The following LRRC7 variants were observed in gnomAD, a reference collection of about 807,000 sequenced individuals.
LRRC7 encodes leucine rich repeat containing 7, also known as leucine-rich repeat-containing protein 7.
Under a neutral mutation model 175.7 loss-of-function variants are expected in LRRC7, and 23 were observed. That is an observed-to-expected ratio of 0.13 (90% CI 0.09 to 0.19). The LOEUF (loss-of-function observed/expected upper bound fraction) is 0.19. Ranked by LOEUF, LRRC7 falls within the 10% of genes least tolerant of loss-of-function variation. The pLI, the probability that LRRC7 is intolerant of heterozygous loss-of-function variation, is 1.00. For missense variants in LRRC7, 1,354 were observed against 1,904.7 expected, an observed-to-expected ratio of 0.71 and a Z score of 5.38; for synonymous variants, 685 against 680.9, an observed-to-expected ratio of 1.01 and a Z score of -0.09.
chr1:70,035,050 G>A (rs1007024150), intron 18 of LRRC7, among the ~76,000 whole-genome samples: 8 of 152,026 alleles, frequency 5.3e-5, no homozygotes, highest in African/African-American at 1.9e-4. Flanking sequence ...CAATATTTTT[G>A]TCCTCAAGTA....
chr1:69,816,334 A>C (rs1474179603), intron 4 of LRRC7, among the ~76,000 whole-genome samples: 1 of 152,138 alleles, frequency 6.6e-6, no homozygotes, highest in African/African-American at 2.4e-5. Context: ...TGCTATCATG[A>C]CCTAATTATC....
chr1:69,579,451 CA>C (rs1646102606), intron 1 of LRRC7, among the ~76,000 whole-genome samples: 2 of 152,044 alleles, frequency 1.3e-5, no homozygotes, highest in African/African-American at 4.8e-5. Flanking sequence ...TAGGATACTT[CA>C]ATATATGGAC....
At chr1:69,868,815 G>A (rs1263057070) in intron 7 of LRRC7, among the ~76,000 whole-genome samples, 1 of 151,816 alleles carries the variant, frequency 6.6e-6, no homozygotes, top group Non-Finnish European at 1.5e-5. Context: ...TCTTCTGAAG[G>A]CGCTCTCCTT....
chr1:70,138,911 A>G lies in LRRC7; in HGVS notation c.*17024A>G, dbSNP rs576004316. 1 of 152,358 alleles carries G rather than the reference A, an allele frequency of 6.6e-6. No homozygotes were observed. The highest frequency in any genetic ancestry group is 6.5e-5 in the Admixed American group (1 of 15,302). The allele number at this position is 152,358 out of a possible 1,614,324, so 9.4% of individuals were successfully genotyped here. ...GACCATATTAGAAATGAAAAGCAGCAGTCTCTATCATATGTTAAATTCAAA... is the reference window on the plus strand; with the variant it reads ...GACCATATTAGAAATGAAAAGCAGCGGTCTCTATCATATGTTAAATTCAAA... On this transcript the variant is annotated 3_prime_UTR_variant, in exon 27 of 27. Transcript: ENST00000651989.
In LRRC7 at chr1:69,770,022, T is replaced by C. The variant is rs12088569; in HGVS notation, c.303+9629T>C. Among the ~76,000 whole-genome samples the C allele has an allele frequency of 9.1e-3, 1,390 of 152,284 alleles. 20 individuals are homozygous for C. The highest frequency in any genetic ancestry group is 0.03 in the African/African-American group (1,262 of 41,556). On this transcript the variant is annotated intron_variant, in intron 3 of 26. Coordinates refer to ENST00000651989, the MANE Select transcript of LRRC7 (RefSeq NM_001370785.2). ...AAAAGGACAGGAACCAAGAGAGTTCTAGACTGCTGCTCAGAATTCACAGAA... is the reference window on the plus strand; with the variant it reads ...AAAAGGACAGGAACCAAGAGAGTTCCAGACTGCTGCTCAGAATTCACAGAA...
chr1:69,755,546 G>A (rs1670323433), intron 2 of LRRC7, among the ~76,000 whole-genome samples: 1 of 151,046 alleles, frequency 6.6e-6, no homozygotes, highest in Non-Finnish European at 1.5e-5. Context: ...GCATATATAT[G>A]TGTGTACATA....
intron 12 of LRRC7, 70 bp downstream of exon 12, chr1:70,011,996 T>G: frequency 3.6e-6 from 4 of 1,106,848 alleles, no homozygotes; most frequent in East Asian, 5.0e-5. Context: ...TCTTAACAGG[T>G]AGAATAGCAA....
At chr1:69,621,580 C>T (rs75214303) in intron 1 of LRRC7, among the ~76,000 whole-genome samples, 98 of 152,226 alleles carry the variant, frequency 6.4e-4, no homozygotes, top group African/African-American at 2.1e-3. Context: ...TAATCACATG[C>T]GATCTCTTTA....
chr1:69,737,273 C>T (rs1036349605), intron 2 of LRRC7, among the ~76,000 whole-genome samples: 1 of 151,998 alleles, frequency 6.6e-6, no homozygotes, highest in Non-Finnish European at 1.5e-5. Context: ...GGGTTTTTCC[C>T]ATGCTGTTCT....
chr1:69,581,245 C>T (rs1426960659), intron 1 of LRRC7, among the ~76,000 whole-genome samples: 1 of 152,150 alleles, frequency 6.6e-6, no homozygotes, highest in East Asian at 1.9e-4. Flanking sequence ...GCTATGTTTA[C>T]ATAGCTTCTA....
chr1:69,626,541 T>C (rs1407167377), intron 1 of LRRC7, among the ~76,000 whole-genome samples: 1 of 152,138 alleles, frequency 6.6e-6, no homozygotes, highest in East Asian at 1.9e-4. Flanking sequence ...ACATTTCTTA[T>C]AATACTTTAT....
At chr1:69,783,499 G>A (rs962613102) in intron 3 of LRRC7, among the ~76,000 whole-genome samples, 2 of 152,108 alleles carry the variant, frequency 1.3e-5, no homozygotes, top group African/African-American at 4.8e-5. Flanking sequence ...GCTCACAACT[G>A]TAATCCCAGC....
At chr1:69,628,920 A>T (rs1652033075) in intron 1 of LRRC7, among the ~76,000 whole-genome samples, 1 of 152,164 alleles carries the variant, frequency 6.6e-6, no homozygotes, top group Non-Finnish European at 1.5e-5. Flanking sequence ...ATATATGGGC[A>T]GGAAAATGAA....
At chr1:69,995,089 G>A (rs1654805376) in intron 11 of LRRC7, among the ~76,000 whole-genome samples, 3 of 152,074 alleles carry the variant, frequency 2.0e-5, no homozygotes, top group African/African-American at 7.2e-5. Flanking sequence ...ATTTTTAGAA[G>A]CTAAGGAGAA....
chr1:69,969,730 A>G (rs1570851151), intron 8 of LRRC7, among the ~76,000 whole-genome samples: 1 of 152,190 alleles, frequency 6.6e-6, no homozygotes, highest in East Asian at 1.9e-4. Context: ...ATCAAGACAG[A>G]AAGTCAACAA....
At chr1:69,695,269 T>C (rs1165515672) in intron 2 of LRRC7, among the ~76,000 whole-genome samples, 1 of 152,190 alleles carries the variant, frequency 6.6e-6, no homozygotes, top group Non-Finnish European at 1.5e-5. Flanking sequence ...ATGTGGAAGT[T>C]TGAACTTATG....
intron 7 of LRRC7, among the ~76,000 whole-genome samples, chr1:69,928,070 A>T (rs1257918471): frequency 6.6e-6 from 1 of 152,176 alleles, no homozygotes; most frequent in Non-Finnish European, 1.5e-5. Flanking sequence ...AGAGGTCCAC[A>T]CGAGACCCTG....
At chr1:69,806,910 C>A (rs1163075373) in intron 4 of LRRC7, among the ~76,000 whole-genome samples, 1 of 151,930 alleles carries the variant, frequency 6.6e-6, no homozygotes, top group Non-Finnish European at 1.5e-5. Context: ...GATACTCAGA[C>A]AATTTTAAGG....
At chr1:69,883,959 G>T (rs1173547875) in intron 7 of LRRC7, among the ~76,000 whole-genome samples, 3 of 68,736 alleles carry the variant, frequency 4.4e-5, no homozygotes, top group Admixed American at 1.7e-4. Flanking sequence ...GCTCTGTTCT[G>T]TTCCATTGAT....
Sources: allele counts gnomAD v4.1 joint callset (sites outside exome capture counted in the v4.1 genomes callset), GRCh38; gene constraint gnomAD v4.1.1; transcripts MANE v1.5; gene names NCBI Gene and HGNC (gene_info 2026-07-23, HGNC 2026-07-21).